C1QTNF7: variants seen among roughly 807,000 people sequenced by gnomAD.
C1QTNF7 encodes complement C1q tumor necrosis factor-related protein 7.
In C1QTNF7, 15 loss-of-function variants were observed where a neutral mutation model predicts 19.6. The ratio of observed to expected loss-of-function variants is 0.76; its 90% CI spans 0.51 to 1.18. C1QTNF7 has a LOEUF of 1.18. Among genes scored for constraint, C1QTNF7 ranks in the 50% most tolerant of loss-of-function variants. The pLI, the probability that C1QTNF7 is intolerant of heterozygous loss-of-function variation, is 0.00. For missense variants in C1QTNF7, 324 were observed against 359.7 expected, an observed-to-expected ratio of 0.90 and a Z score of 0.80; for synonymous variants, 142 against 137.5, an observed-to-expected ratio of 1.03 and a Z score of -0.23.
intron 1 of C1QTNF7, among the ~76,000 whole-genome samples, chr4:15,415,492 A>C (rs1719569549): frequency 6.6e-6 from 1 of 152,172 alleles, no homozygotes; most frequent in African/African-American, 2.4e-5. Flanking sequence ...CTTATTTCCC[A>C]TTGAAAAATA....
At chr4:15,352,504 G>T (rs1716975010) in intron 1 of C1QTNF7, among the ~76,000 whole-genome samples, 1 of 152,182 alleles carries the variant, frequency 6.6e-6, no homozygotes, top group Admixed American at 6.5e-5. Flanking sequence ...TGTGCTGAAA[G>T]ATAATGTCCC....
intron 1 of C1QTNF7, chr4:15,374,089 G>C (rs1717834417): frequency 6.6e-6 from 1 of 152,212 alleles, no homozygotes; most frequent in Non-Finnish European, 1.5e-5. Flanking sequence ...TCGAGAGTCA[G>C]ATCTCCAGCC....
At chr4:15,422,213 A>T (rs201848978) in intron 1 of C1QTNF7, among the ~76,000 whole-genome samples, 2,246 of 130,086 alleles carry the variant, frequency 0.017, 39 homozygotes, top group East Asian at 0.056. Flanking sequence ...TTTTTTTTAA[A>T]AAAAAAAAAA....
chr4:15,362,918 C>T (rs910755643), intron 1 of C1QTNF7, among the ~76,000 whole-genome samples: 2 of 152,108 alleles, frequency 1.3e-5, no homozygotes, highest in East Asian at 3.9e-4. Context: ...GTATCATCAT[C>T]ATTATCATTA....
At chr4:15,425,313 T>A (rs1711987958), upstream of C1QTNF7, among the ~76,000 whole-genome samples, 1 of 152,138 alleles carries the variant, frequency 6.6e-6, no homozygotes, top group South Asian at 2.1e-4. Context: ...AGATCCAAAT[T>A]ACGTGCTAGA....
intron 1 of C1QTNF7, among the ~76,000 whole-genome samples, chr4:15,420,675 A>T (rs1333065425): frequency 1.3e-5 from 2 of 152,148 alleles, no homozygotes; most frequent in African/African-American, 4.8e-5. Flanking sequence ...CTTTTGCCCA[A>T]GGCAATTTGC....
chr4:15,359,669 C>T (rs1305913789), intron 1 of C1QTNF7, among the ~76,000 whole-genome samples: 3 of 152,104 alleles, frequency 2.0e-5, no homozygotes, highest in Non-Finnish European at 4.4e-5. Context: ...AATAGGACTA[C>T]GAGATCTTTA....
chr4:15,423,417 T>C (rs1711883951), upstream of C1QTNF7, among the ~76,000 whole-genome samples: 1 of 152,196 alleles, frequency 6.6e-6, no homozygotes, highest in East Asian at 1.9e-4. Context: ...CTTTTTTAAA[T>C]ATGCAAACTC....
upstream of C1QTNF7, chr4:15,339,871 T>C (rs193257759): frequency 7.2e-4 from 330 of 460,332 alleles, 3 homozygotes; most frequent in African/African-American, 5.9e-3. Flanking sequence ...TATTAAGCTC[T>C]TTGAAATGTG....
chr4:15,382,634 T>G (rs1198718116), intron 1 of C1QTNF7, among the ~76,000 whole-genome samples: 1 of 152,252 alleles, frequency 6.6e-6, no homozygotes, highest in Non-Finnish European at 1.5e-5. Flanking sequence ...CAGGCCTATT[T>G]TGGTATTTCC....
chr4:15,384,017 C>A (rs1718241872), intron 1 of C1QTNF7, among the ~76,000 whole-genome samples: 1 of 152,166 alleles, frequency 6.6e-6, no homozygotes, highest in African/African-American at 2.4e-5. Flanking sequence ...AAACAACCAC[C>A]CAGGTGGAGG....
At chr4:15,422,933 T>G (rs967137893) in intron 1 of C1QTNF7, among the ~76,000 whole-genome samples, 7 of 152,218 alleles carry the variant, frequency 4.6e-5, no homozygotes, top group Non-Finnish European at 8.8e-5. Flanking sequence ...TTTTAAGTTT[T>G]TTACGTTTTA....
chr4:15,380,514 G>C (rs1042603554), intron 1 of C1QTNF7, among the ~76,000 whole-genome samples: 1 of 152,218 alleles, frequency 6.6e-6, no homozygotes, highest in African/African-American at 2.4e-5. Context: ...AATTTCAGAA[G>C]GGAAGCCTTC....
upstream of C1QTNF7, chr4:15,427,921 C>A: frequency 1.7e-6 from 1 of 577,104 alleles, no homozygotes; most frequent in Non-Finnish European, 2.2e-6. Flanking sequence ...GAATGACTTC[C>A]AGGGCCTTTG....
chr4:15,353,768 TA>T (rs59271788), intron 1 of C1QTNF7, among the ~76,000 whole-genome samples: 22,638 of 142,888 alleles, frequency 0.16, 1,853 homozygotes, highest in East Asian at 0.45. Context: ...TGAGGAAGAT[TA>T]AAAAAAAAAA....
chr4:15,409,591 T>C (rs1346808302), intron 1 of C1QTNF7, among the ~76,000 whole-genome samples: 3 of 152,222 alleles, frequency 2.0e-5, no homozygotes, highest in Non-Finnish European at 2.9e-5. Flanking sequence ...GAGATGCTGT[T>C]GGATCTCTTA....
intron 1 of C1QTNF7, among the ~76,000 whole-genome samples, chr4:15,367,965 G>T (rs1717583805): frequency 6.6e-6 from 1 of 152,034 alleles, no homozygotes; most frequent in African/African-American, 2.4e-5. Context: ...GCTGAGTTTT[G>T]TACACACCCA....
intron 1 of C1QTNF7, among the ~76,000 whole-genome samples, chr4:15,343,402 GC>G (rs879647487): frequency 6.6e-6 from 1 of 151,420 alleles, no homozygotes; most frequent in Non-Finnish European, 1.5e-5. Flanking sequence ...TGAAACTGAA[GC>G]CCAACAATTG....
chr4:15,355,665 C>T (rs1240455671), intron 1 of C1QTNF7, among the ~76,000 whole-genome samples: 1 of 151,906 alleles, frequency 6.6e-6, no homozygotes, highest in East Asian at 1.9e-4. Context: ...GCACAGGAGC[C>T]CACCAATCAG....
Sources: gnomAD v4.1 joint callset for allele counts (sites outside exome capture counted in the v4.1 genomes callset) on GRCh38, gnomAD v4.1.1 for gene constraint, MANE v1.5 for transcripts, NCBI Gene and HGNC (gene_info 2026-07-23, HGNC 2026-07-21) for gene names.